NFE2L3: variants seen among roughly 807,000 people sequenced by gnomAD.
NFE2L3 encodes the protein nuclear factor erythroid 2-related factor 3.
Under a neutral mutation model 23.5 loss-of-function variants are expected in NFE2L3, and 18 were observed. The ratio of observed to expected loss-of-function variants is 0.77; its 90% CI spans 0.53 to 1.13. The LOEUF is 1.13. Ranked by LOEUF, NFE2L3 falls within the 50% of genes most tolerant of loss-of-function variation. The pLI is 0.00. For missense variants in NFE2L3, 1,152 were observed against 877.2 expected, an observed-to-expected ratio of 1.31 and a Z score of -3.96; for synonymous variants, 424 against 354.5, an observed-to-expected ratio of 1.20 and a Z score of -2.20.
At chr7:26,175,243 C>G (rs1168867703) in intron 1 of NFE2L3, among the ~76,000 whole-genome samples, 1 of 151,732 alleles carries the variant, frequency 6.6e-6, no homozygotes, top group Non-Finnish European at 1.5e-5. Flanking sequence ...ACCTGTAGTC[C>G]CAGCTACTTG....
chr7:26,171,644 C>T (rs1784329469), intron 1 of NFE2L3, among the ~76,000 whole-genome samples: 1 of 152,032 alleles, frequency 6.6e-6, no homozygotes, highest in Non-Finnish European at 1.5e-5. Flanking sequence ...TCCTTTGTCT[C>T]CTTTTTTCAC....
chr7:26,152,601 C>T lies in NFE2L3; in HGVS notation c.103C>T (p.Leu35=). The T allele has an allele frequency of 6.5e-7, 1 of 1,546,140 alleles. No individual in the cohort carries two copies. The highest frequency in any genetic ancestry group is 8.6e-7 in the Non-Finnish European group (1 of 1,157,322). The stretch of plus-strand genomic sequence containing the variant: ...CCGCGTAGACCTAGATCTTTACCTG[C>T]TGCTGCCGCCGCCCACCCTGCTGCA... ...GLRVDLDLYL[L]LPPPTLLQDE... is the part of the protein sequence containing the mutation. The change falls in exon 1 of 4, where the codon CTG becomes TTG. Residue 35 remains leucine, a synonymous_variant. Transcript: ENST00000056233. This position sits in a 1 kb window ranked among gnomAD's most constrained non-coding sequence, Gnocchi z 4.4.
intron 1 of NFE2L3, among the ~76,000 whole-genome samples, chr7:26,176,440 C>T (rs996671478): frequency 1.3e-5 from 2 of 152,122 alleles, no homozygotes; most frequent in African/African-American, 2.4e-5. Context: ...GCACAGCAGC[C>T]AGGCAGAGGC....
At chr7:26,153,120 C>T (rs937839944) in intron 1 of NFE2L3, 52 bp downstream of exon 1, 22 of 1,474,076 alleles carry the variant, frequency 1.5e-5, no homozygotes, top group African/African-American at 2.9e-5. Context: ...CCGCCGGGAG[C>T]CCCCGAGGCT....
chr7:26,182,485 G>A (rs943272319), intron 2 of NFE2L3, among the ~76,000 whole-genome samples: 3 of 151,950 alleles, frequency 2.0e-5, no homozygotes, highest in African/African-American at 4.8e-5. Flanking sequence ...TTGGCCAGGC[G>A]CAGTGACACA....
chr7:26,174,672 T>G (rs1156798157), intron 1 of NFE2L3: 1 of 152,236 alleles, frequency 6.6e-6, no homozygotes, highest in Admixed American at 6.5e-5. Flanking sequence ...TTATCTTGCC[T>G]TGATTTTTAT....
In NFE2L3 at chr7:26,185,381, T is replaced by C; in HGVS notation, c.1683T>C (p.Ser561=). The change falls in exon 4 of 4, where the codon TCT becomes TCC. Residue 561 remains serine, a synonymous_variant. Transcript: ENST00000056233. ...AAATTGTCGGCATGCCTGTTGATTC[T>C]TTCAATAGCATGTTAAGTAGATATT... ...VDEIVGMPVD[S]FNSMLSRYYL... is the part of the protein sequence containing the mutation. 3.7e-6 allele frequency: 6 copies of C among 1,614,158 alleles called. No homozygotes were observed. The highest frequency in any genetic ancestry group is 4.2e-6 in the Non-Finnish European group (5 of 1,179,992).
At chr7:26,164,691 G>GT (rs1784221037) in intron 1 of NFE2L3, among the ~76,000 whole-genome samples, 4 of 152,190 alleles carry the variant, frequency 2.6e-5, no homozygotes, top group Admixed American at 1.3e-4. Context: ...TCTGGCTTTT[G>GT]AGCCATTGCT....
At chr7:26,162,443 G>A (rs904178320) in intron 1 of NFE2L3, among the ~76,000 whole-genome samples, 6 of 152,214 alleles carry the variant, frequency 3.9e-5, no homozygotes, top group Admixed American at 1.3e-4. Flanking sequence ...ATCATACAGT[G>A]ATTCTGTATT....
chr7:26,183,831 G>A, intron 3 of NFE2L3, 47 bp downstream of exon 3: 1 of 1,224,278 alleles, frequency 8.2e-7, no homozygotes, highest in Non-Finnish European at 1.2e-6. Flanking sequence ...TATCTGCACT[G>A]ACCTTTTGGT....
chr7:26,185,407 A>C lies in NFE2L3; in HGVS notation c.1709A>C (p.Tyr570Ser). 1 of 1,614,174 alleles carries C rather than the reference A, an allele frequency of 6.2e-7. No homozygotes were observed. Among genetic ancestry groups the C allele is most frequent in the Non-Finnish European group, 8.5e-7 (1 of 1,179,994 alleles). ...DSFNSMLSRY[Y>S]LTDLQVSLIR... ...TTCAATAGCATGTTAAGTAGATATT[A>C]TCTGACAGACCTACAAGTCTCACTT... Residue 570 changes from tyrosine to serine, a missense_variant, in exon 4 of 4, where the codon TAT (tyrosine) becomes TCT (serine). By Grantham distance (144) the Tyr-to-Ser change is moderately radical. Coordinates refer to ENST00000056233, the MANE Select transcript of NFE2L3 (RefSeq NM_004289.7).
At position 26,152,707 on chromosome 7, in the gene NFE2L3, G is replaced by A; in HGVS notation, c.209G>A (p.Arg70His). ...TTCTCGGCCTCGGGAGGGTGGGGGC[G>A]CGCGGGCCACTTGCACCCCAAGGGC... is the stretch of plus-strand genomic sequence containing the variant. ...SPFSASGGWGRAGHLHPKGRE... is the reference protein window; with the variant it reads ...SPFSASGGWGHAGHLHPKGRE... Residue 70 changes from arginine (R) to histidine (H), a missense_variant, in exon 1 of 4, where the codon CGC becomes CAC. Coordinates refer to ENST00000056233, the MANE Select transcript of NFE2L3 (RefSeq NM_004289.7). The surrounding 1 kb of genome is among the most constrained non-coding windows in gnomAD (Gnocchi z 4.4). The A allele has an allele frequency of 6.8e-7, 1 of 1,476,634 alleles. No individual in the cohort carries two copies. Among genetic ancestry groups the A allele is most frequent in the Non-Finnish European group, 8.9e-7 (1 of 1,120,900 alleles). The allele number at this position is 1,476,634 out of a possible 1,614,324, so 91.5% of individuals were successfully genotyped here. A position where few individuals can be genotyped will look rare whatever the true frequency, so the allele number is the denominator to read the frequency against.
At chr7:26,157,561 G>C (rs533486512) in intron 1 of NFE2L3, among the ~76,000 whole-genome samples, 1 of 152,332 alleles carries the variant, frequency 6.6e-6, no homozygotes, top group East Asian at 1.9e-4. Flanking sequence ...TTGGACAAGA[G>C]ATGAAATTTC....
In NFE2L3 at chr7:26,185,138, A is replaced by C; in HGVS notation, c.1440A>C (p.Gln480His). The change falls in exon 4 of 4, where the codon CAA becomes CAC. Residue 480 changes from glutamine to histidine, a missense_variant. Physicochemically the swap from Gln to His is conservative, Grantham distance 24 (BLOSUM62 0). Transcript: ENST00000056233. The stretch of plus-strand genomic sequence containing the variant: ...CCAGTAAGCTTTGTCACTTGGATCA[A>C]AGTGATTCTGATTTCCATGGAGATC... Reference protein sequence around the residue: ...PEPSKLCHLDQSDSDFHGDLT... With the variant: ...PEPSKLCHLDHSDSDFHGDLT... 1 of 1,613,926 alleles carries C rather than the reference A, an allele frequency of 6.2e-7. No individual in the cohort carries two copies. The highest frequency in any genetic ancestry group is 1.1e-5 in the South Asian group (1 of 91,074).
At position 26,152,633 on chromosome 7, in the gene NFE2L3, G is replaced by C. The variant is rs909179079; in HGVS notation, c.135G>C (p.Glu45Asp). The C allele has an allele frequency of 7.8e-6, 12 of 1,529,638 alleles. No homozygotes were observed. The highest frequency in any genetic ancestry group is 1.0e-5 in the Non-Finnish European group (12 of 1,148,828). The allele number at this position is 1,529,638 out of a possible 1,614,324, so 94.8% of individuals were successfully genotyped here. Residue 45 changes from glutamate to aspartate, a missense_variant, in exon 1 of 4, where the codon GAG becomes GAC. By Grantham distance (45) the Glu-to-Asp change is conservative. Transcript: ENST00000056233. This position sits in a 1 kb window ranked among gnomAD's most constrained non-coding sequence, Gnocchi z 4.4. ...CGCCGCCCACCCTGCTGCAGGACGA[G>C]CTGCTGTTCCTGGGCGGCCCGGCCA... ...LLPPPTLLQDELLFLGGPASS... is the reference protein window; with the variant it reads ...LLPPPTLLQDDLLFLGGPASS...
chr7:26,172,311 A>G (rs776130930), intron 1 of NFE2L3, among the ~76,000 whole-genome samples: 8 of 152,230 alleles, frequency 5.3e-5, no homozygotes, highest in Non-Finnish European at 1.2e-4. Context: ...TGGCATATAT[A>G]TACCCTTTAC....
rs538984273 is a variant in NFE2L3, at chr7:26,175,707, A to T, written c.571-2236A>T. ...GGCAGGAGAATGGCGTGAACCCGGG[A>T]GGCCGAGCTTGTAGTGAGCCAAGAT... On this transcript the variant is annotated intron_variant, in intron 1 of 3. Coordinates refer to ENST00000056233, the MANE Select transcript of NFE2L3 (RefSeq NM_004289.7). 4.6e-5 allele frequency among the ~76,000 whole-genome samples: 7 copies of T among 150,782 alleles called. 1 individual carries two copies. The East Asian group carries it at 1.4e-3, about 30-fold the overall frequency.
chr7:26,163,942 T>TGA (rs1204990481), intron 1 of NFE2L3, among the ~76,000 whole-genome samples: 1 of 152,216 alleles, frequency 6.6e-6, no homozygotes, highest in African/African-American at 2.4e-5. Flanking sequence ...TTGCTGAGAA[T>TGA]GATGGTTTGC....
intron 1 of NFE2L3, among the ~76,000 whole-genome samples, chr7:26,168,053 A>C (rs961470494): frequency 6.6e-6 from 1 of 151,750 alleles, no homozygotes; most frequent in Non-Finnish European, 1.5e-5. Flanking sequence ...ACTGAACCCA[A>C]TTTGTAGTCT....
Sources: allele counts gnomAD v4.1 joint callset (sites outside exome capture counted in the v4.1 genomes callset), GRCh38; gene constraint gnomAD v4.1.1; non-coding constraint Gnocchi (gnomAD v3.1); transcripts MANE v1.5; gene names NCBI Gene and HGNC (gene_info 2026-07-23, HGNC 2026-07-21).